GULP1: variants seen among roughly 807,000 people sequenced by gnomAD.
GULP1 encodes PTB domain-containing engulfment adapter protein 1.
Under a neutral mutation model 40.9 loss-of-function variants are expected in GULP1, and 19 were observed. That is an observed-to-expected ratio of 0.46 (90% CI 0.32 to 0.68). The LOEUF (loss-of-function observed/expected upper bound fraction) is 0.68, where lower values mean the gene tolerates loss of function less well. Ranked by LOEUF, GULP1 falls within the 30% of genes least tolerant of loss-of-function variation. The pLI is 0.03. For missense variants in GULP1, 312 were observed against 362.2 expected (o/e 0.86, Z 1.12); for synonymous variants, 119 against 117.6 (o/e 1.01, Z -0.08).
chr2:188,525,679 G>A (rs13013126), intron 5 of GULP1, among the ~76,000 whole-genome samples: 4 of 152,158 alleles, frequency 2.6e-5, no homozygotes, highest in African/African-American at 9.7e-5. Flanking sequence ...CTGGAACCCA[G>A]TTTTAGACTG....
At chr2:188,426,796 G>A (rs1182906493) in intron 2 of GULP1, among the ~76,000 whole-genome samples, 1 of 152,224 alleles carries the variant, frequency 6.6e-6, no homozygotes, top group East Asian at 1.9e-4. Flanking sequence ...ACCTGAAAAT[G>A]TGAAAGTAAC....
chr2:188,346,969 CAAA>C (rs111270430), intron 1 of GULP1, among the ~76,000 whole-genome samples: 4 of 122,602 alleles, frequency 3.3e-5, no homozygotes, highest in Non-Finnish European at 3.4e-5. Context: ...GACTCCGTCT[CAAA>C]AAAAAAAAAA....
chr2:188,528,428 A>G (rs1416301780), intron 5 of GULP1, among the ~76,000 whole-genome samples: 1 of 152,062 alleles, frequency 6.6e-6, no homozygotes, highest in Non-Finnish European at 1.5e-5. Flanking sequence ...TGATTTTATA[A>G]CAGAATCGAA....
intron 4 of GULP1, among the ~76,000 whole-genome samples, chr2:188,488,324 T>C (rs1165866122): frequency 6.6e-6 from 1 of 152,050 alleles, no homozygotes; most frequent in African/African-American, 2.4e-5. Context: ...TCAACTGTTA[T>C]CAGAATTATG....
chr2:188,591,269 TAATC>T (rs1350039204), intron 11 of GULP1: 4 of 152,084 alleles, frequency 2.6e-5, no homozygotes, highest in African/African-American at 9.6e-5. Flanking sequence ...TTTAAACTAA[TAATC>T]AATCAATACA....
At chr2:188,469,870 T>C (rs959968923) in intron 2 of GULP1, among the ~76,000 whole-genome samples, 1 of 152,202 alleles carries the variant, frequency 6.6e-6, no homozygotes, top group Admixed American at 6.5e-5. Context: ...GATTTGCCTA[T>C]GTTGAATCAT....
intron 1 of GULP1, among the ~76,000 whole-genome samples, chr2:188,330,458 ACT>A (rs1340748132): frequency 1.3e-5 from 2 of 152,122 alleles, no homozygotes; most frequent in African/African-American, 4.8e-5. Flanking sequence ...TTAAATTACA[ACT>A]CTGAGAGGAG....
intron 1 of GULP1, among the ~76,000 whole-genome samples, chr2:188,362,595 G>A (rs1291133479): frequency 6.6e-6 from 1 of 152,070 alleles, no homozygotes; most frequent in Non-Finnish European, 1.5e-5. Context: ...TTAAAGGTCT[G>A]TTGCTTGTTC....
At chr2:188,481,719 A>G (rs2061460165) in intron 3 of GULP1, among the ~76,000 whole-genome samples, 1 of 151,938 alleles carries the variant, frequency 6.6e-6, no homozygotes, top group South Asian at 2.1e-4. Flanking sequence ...GTCAGCGTTT[A>G]CATACTCCTG....
rs551774576 is a variant in GULP1 at position 188,467,204 on chromosome 2, G to A, written c.-44-10455G>A. Among the ~76,000 whole-genome samples, 5 of 152,224 alleles carry A rather than the reference G, an allele frequency of 3.3e-5. No individual in the cohort carries two copies. In the South Asian group the frequency reaches 8.3e-4, roughly 25 times the overall value. ...GAGGATAATAATGCTAAATCTCAGG[G>A]GTTGGAAAGACCTGGAATTAAACTG... On this transcript the variant is annotated intron_variant, in intron 2 of 11. Coordinates refer to ENST00000409830, the MANE Select transcript of GULP1 (RefSeq NM_016315.4).
At chr2:188,470,311 A>G (rs1308602098) in intron 2 of GULP1, among the ~76,000 whole-genome samples, 1 of 152,004 alleles carries the variant, frequency 6.6e-6, no homozygotes, top group Non-Finnish European at 1.5e-5. Context: ...GAATTTGTCC[A>G]TTTATTCTAG....
intron 1 of GULP1, among the ~76,000 whole-genome samples, chr2:188,357,526 A>G (rs963953355): frequency 2.6e-5 from 4 of 152,324 alleles, no homozygotes; most frequent in African/African-American, 7.2e-5. Flanking sequence ...TAGAATTACT[A>G]TTATTAAAAA....
intron 1 of GULP1, among the ~76,000 whole-genome samples, chr2:188,348,611 A>G (rs529038641): frequency 5.8e-4 from 84 of 144,472 alleles, no homozygotes; most frequent in Non-Finnish European, 1.0e-3. Context: ...AACAAGCAGA[A>G]TATCACGATA....
intron 7 of GULP1, among the ~76,000 whole-genome samples, chr2:188,566,124 T>C (rs1287241764): frequency 6.6e-6 from 1 of 152,142 alleles, no homozygotes; most frequent in Non-Finnish European, 1.5e-5. Flanking sequence ...AAATTTATCA[T>C]GATCTGTGCA....
In GULP1 at chr2:188,541,337, G is replaced by T; in HGVS notation, c.399+19G>T. On this transcript the variant is annotated intron_variant, in intron 7 of 11. Coordinates refer to ENST00000409830, the MANE Select transcript of GULP1 (RefSeq NM_016315.4). ...AAAGTGTGTAAGTATCCCAGATGTT[G>T]TAGGGTGGTTTGTTCTGTTTTATAA... 1 of 1,608,904 alleles carries T rather than the reference G, an allele frequency of 6.2e-7. No homozygotes were observed. Among genetic ancestry groups the T allele is most frequent in the Non-Finnish European group, 8.5e-7 (1 of 1,175,344 alleles).
At chr2:188,483,516 T>G (rs2061599871) in intron 4 of GULP1, 24 bp downstream of exon 4, 1 of 1,037,870 alleles carries the variant, frequency 9.6e-7, no homozygotes, top group South Asian at 1.6e-5. Context: ...ATTTATTATT[T>G]AATTTTATTT....
At chr2:188,294,622 T>A (rs2034522344) in intron 1 of GULP1, among the ~76,000 whole-genome samples, 8 of 152,178 alleles carry the variant, frequency 5.3e-5, no homozygotes, top group Admixed American at 5.2e-4. Flanking sequence ...ACTAATGTGG[T>A]TTATATTTCC....
At chr2:188,494,079 A>G (rs1242376198) in intron 4 of GULP1, among the ~76,000 whole-genome samples, 3 of 152,086 alleles carry the variant, frequency 2.0e-5, no homozygotes, top group African/African-American at 4.8e-5. Context: ...CCCATGTGAC[A>G]TAATGCATTC....
At chr2:188,475,702 G>GTTTATT (rs1276722932) in intron 2 of GULP1, among the ~76,000 whole-genome samples, 1 of 151,850 alleles carries the variant, frequency 6.6e-6, no homozygotes, top group East Asian at 1.9e-4. Flanking sequence ...TTTTCTACTA[G>GTTTATT]TTTATTTTTA....
Sources: gnomAD v4.1 joint callset for allele counts (sites outside exome capture counted in the v4.1 genomes callset) on GRCh38, gnomAD v4.1.1 for gene constraint, MANE v1.5 for transcripts, NCBI Gene and HGNC (gene_info 2026-07-23, HGNC 2026-07-21) for gene names.